The following PDZD2 variants were observed in gnomAD, a reference collection of about 807,000 sequenced individuals.
The protein encoded by PDZD2 is PDZ domain containing 2, also known as PDZ domain-containing protein 2.
Under a neutral mutation model 220.7 loss-of-function variants are expected in PDZD2, and 90 were observed. The observed-to-expected ratio is 0.41, with a 90% confidence interval of 0.34 to 0.49. The LOEUF is 0.49. Ranked by LOEUF, PDZD2 falls within the 20% of genes least tolerant of loss-of-function variation. The pLI, the probability that PDZD2 is intolerant of heterozygous loss-of-function variation, is 0.28. For missense variants in PDZD2, 3,174 were observed against 3,608.5 expected, an observed-to-expected ratio of 0.88 and a Z score of 3.08; for synonymous variants, 1,375 against 1,450.5, an observed-to-expected ratio of 0.95 and a Z score of 1.18.
At chr5:31,847,145 T>C (rs1757628993) in intron 2 of PDZD2, 1 of 160,898 alleles carries the variant, frequency 6.2e-6, no homozygotes, top group South Asian at 1.8e-4. Flanking sequence ...TGCTGTCTCA[T>C]AGATACTGAA....
At chr5:31,653,974 C>T (rs965840740) in intron 1 of PDZD2, among the ~76,000 whole-genome samples, 20 of 152,086 alleles carry the variant, frequency 1.3e-4, no homozygotes, top group African/African-American at 2.2e-4. Flanking sequence ...TTAGTAGAGA[C>T]GGGGTTTCAC....
Position 32,058,054 on chromosome 5 carries a change from G to C in PDZD2, c.2151G>C (p.Lys717Asn). ...DEGSSSSLGRKTPGPKDRIVM... is the reference protein window; with the variant it reads ...DEGSSSSLGRNTPGPKDRIVM... ...GCAGTTCTTCATCCCTGGGTCGGAA[G>C]ACCCCTGGGCCCAAGGACAGGATCG... The change falls in exon 12 of 25, where the codon AAG becomes AAC. Residue 717 changes from lysine to asparagine, a missense_variant. This residue lies in a region of PDZD2 where 1,861 missense variants were observed against 2,001.0 expected (regional missense o/e 0.93). Transcript: ENST00000438447. 6.2e-7 allele frequency: 1 copy of C among 1,611,880 alleles called. No individual in the cohort carries two copies. The highest frequency in any genetic ancestry group is 8.5e-7 in the Non-Finnish European group (1 of 1,178,016).
chr5:31,848,824 C>A (rs1757747577), intron 2 of PDZD2, among the ~76,000 whole-genome samples: 2 of 151,692 alleles, frequency 1.3e-5, no homozygotes, highest in Non-Finnish European at 2.9e-5. Context: ...TCTAGGTGGG[C>A]AGATCACGAG....
chr5:31,791,708 A>G (rs1292045642), intron 1 of PDZD2, among the ~76,000 whole-genome samples: 1 of 152,138 alleles, frequency 6.6e-6, no homozygotes, highest in Non-Finnish European at 1.5e-5. Context: ...ATGACTTTGC[A>G]ACATTCAGCA....
At chr5:31,809,558 C>G (rs1362918157) in intron 2 of PDZD2, among the ~76,000 whole-genome samples, 1 of 152,194 alleles carries the variant, frequency 6.6e-6, no homozygotes, top group African/African-American at 2.4e-5. Context: ...TGATGGATGA[C>G]AGAGGGGAGT....
intron 2 of PDZD2, among the ~76,000 whole-genome samples, chr5:31,981,246 A>AC (rs1283972830): frequency 6.6e-6 from 1 of 151,470 alleles, no homozygotes; most frequent in Non-Finnish European, 1.5e-5. Context: ...AGTCATGAGT[A>AC]CCCCCCACCT....
chr5:31,861,953 A>T (rs1030571349), intron 2 of PDZD2, among the ~76,000 whole-genome samples: 1 of 152,176 alleles, frequency 6.6e-6, no homozygotes, highest in Non-Finnish European at 1.5e-5. Flanking sequence ...GTTCTATACT[A>T]TATAAATGTA....
In PDZD2 at chr5:31,799,005, C is replaced by G; in HGVS notation, c.-244C>G. ...CTGGCAGGGACTTGTTAGACACTTC[C>G]TTCCTTCCCTCATTGAGCACTCCAG... On this transcript the variant is annotated 5_prime_UTR_variant, in exon 2 of 25. Coordinates refer to ENST00000438447, the MANE Select transcript of PDZD2 (RefSeq NM_178140.4). 1 of 512,634 alleles carries G rather than the reference C, an allele frequency of 2.0e-6. No individual in the cohort carries two copies. The highest frequency in any genetic ancestry group is 3.5e-6 in the Non-Finnish European group (1 of 289,032). 31.8% of individuals were successfully genotyped at this position (512,634 alleles called of 1,614,324 possible).
At chr5:31,668,304 T>C (rs1282169627) in intron 1 of PDZD2, among the ~76,000 whole-genome samples, 1 of 152,240 alleles carries the variant, frequency 6.6e-6, no homozygotes, top group Non-Finnish European at 1.5e-5. Flanking sequence ...AGAAAGCCAA[T>C]GGAAGTTGGT....
chr5:32,020,485 T>C (rs1329968694), intron 6 of PDZD2, among the ~76,000 whole-genome samples: 4 of 152,168 alleles, frequency 2.6e-5, no homozygotes, highest in Non-Finnish European at 5.9e-5. Flanking sequence ...TCGCTGAGCC[T>C]CTAAGGTAAC....
chr5:31,921,987 T>G (rs1441229118), intron 2 of PDZD2, among the ~76,000 whole-genome samples: 1 of 152,214 alleles, frequency 6.6e-6, no homozygotes, highest in Non-Finnish European at 1.5e-5. Flanking sequence ...CCAGCCACAT[T>G]CTTGTGTCTT....
chr5:31,693,345 G>A (rs370520056), intron 1 of PDZD2, among the ~76,000 whole-genome samples: 13 of 149,666 alleles, frequency 8.7e-5, no homozygotes. Flanking sequence ...GGATTTAAGC[G>A]ATTCTTCGGT....
Position 31,799,570 on chromosome 5 carries a change from AC to A in PDZD2, c.325del (p.His109ThrfsTer13). 6.2e-7 allele frequency: 1 copy of A among 1,613,948 alleles called. No individual in the cohort carries two copies. The highest frequency in any genetic ancestry group is 8.5e-7 in the Non-Finnish European group (1 of 1,179,976). On this transcript the variant is annotated frameshift_variant, in exon 2 of 25. Transcript: ENST00000438447. LOFTEE classifies it high-confidence loss of function. ...EKRRGGKKRK[T>X]HQGPVLDVGC... ...GCGCAGGGGGGGCAAGAAGAGGAAA[AC>A]CCACCAGGGTCCTGTGCTGGATGTG...
chr5:31,758,092 G>A (rs754401086), intron 1 of PDZD2, among the ~76,000 whole-genome samples: 8 of 152,222 alleles, frequency 5.3e-5, no homozygotes, highest in Non-Finnish European at 1.2e-4. Context: ...ACAGGCGCTG[G>A]CAGCTCCGTC....
intron 2 of PDZD2, among the ~76,000 whole-genome samples, chr5:31,976,720 T>C (rs1304031458): frequency 1.1e-4 from 15 of 139,552 alleles, no homozygotes; most frequent in African/African-American, 2.7e-4. Context: ...CTTTCTTTTT[T>C]TTTTTTTTTT....
At chr5:31,977,439 A>AT (rs1359360631) in intron 2 of PDZD2, among the ~76,000 whole-genome samples, 1 of 151,712 alleles carries the variant, frequency 6.6e-6, no homozygotes, top group East Asian at 1.9e-4. Context: ...TCTCTTATCT[A>AT]TTTTCTTGTC....
At chr5:31,907,636 A>G (rs1742774811) in intron 2 of PDZD2, among the ~76,000 whole-genome samples, 1 of 152,218 alleles carries the variant, frequency 6.6e-6, no homozygotes, top group South Asian at 2.1e-4. Context: ...GAGAGAGGAC[A>G]CTGTGAAATA....
chr5:31,885,228 C>A (rs1740353585), intron 2 of PDZD2, among the ~76,000 whole-genome samples: 1 of 141,300 alleles, frequency 7.1e-6, no homozygotes. Flanking sequence ...CCAATCAAAG[C>A]AGTGGGATTT....
At chr5:31,822,896 T>C (rs1755971072) in intron 2 of PDZD2, 2 of 838,108 alleles carry the variant, frequency 2.4e-6, no homozygotes, top group South Asian at 2.6e-5. Context: ...ACACCCTTGA[T>C]CATGTTCTGT....
Sources: gnomAD v4.1 joint callset for allele counts (sites outside exome capture counted in the v4.1 genomes callset) on GRCh38, gnomAD v4.1.1 for gene constraint, gnomAD v4.1.1 regional missense constraint, MANE v1.5 for transcripts, NCBI Gene and HGNC (gene_info 2026-07-23, HGNC 2026-07-21) for gene names.